Variants in LAMA5 observed in about 807,000 individuals in gnomAD.
The protein encoded by LAMA5 is laminin subunit alpha 5.
In LAMA5, 260 loss-of-function variants were observed where a neutral mutation model predicts 433.4. The observed-to-expected ratio is 0.60, with a 90% CI of 0.54 to 0.66. LAMA5 has a LOEUF of 0.66. Ranked by LOEUF, LAMA5 falls within the 30% of genes least tolerant of loss-of-function variation. The pLI, the probability that LAMA5 is intolerant of heterozygous loss-of-function variation, is 0.00. For missense variants in LAMA5, 5,378 were observed against 5,258.5 expected (o/e 1.02, Z -0.70); for synonymous variants, 2,620 against 2,226.6 (o/e 1.18, Z -4.97).
chr20:62,346,998 G>C lies in LAMA5; in HGVS notation c.987C>G (p.Cys329Trp), dbSNP rs373324316. ...GGCAGCAGCGGTCGCAGGTGCCCCC[G>C]CAGGTGTTGTGCTGGCAGGTGCACT... ...RLQCTCQHNT[C>W]GGTCDRCCPG... The change falls in exon 7 of 80, where the codon TGC becomes TGG. Residue 329 changes from cysteine to tryptophan, a missense_variant. Physicochemically the swap from Cys to Trp is radical, Grantham distance 215. Transcript: ENST00000252999. 1.2e-6 allele frequency: 2 copies of C among 1,612,126 alleles called. No individual in the cohort carries two copies.
intron 1 of LAMA5, among the ~76,000 whole-genome samples, chr20:62,363,812 AC>A (rs1986425149): frequency 6.6e-6 from 1 of 151,692 alleles, no homozygotes; most frequent in Non-Finnish European, 1.5e-5. Flanking sequence ...AGAGGGCCCA[AC>A]CCCCTCGCCC....
At chr20:62,343,109 T>G (rs927316470) in intron 11 of LAMA5, among the ~76,000 whole-genome samples, 4 of 152,218 alleles carry the variant, frequency 2.6e-5, no homozygotes, top group African/African-American at 9.7e-5. Flanking sequence ...ACCCCACTCA[T>G]GAATACGCGT....
At chr20:62,346,369 C>G (rs139478275) in intron 9 of LAMA5, 137 bp downstream of exon 9, 132 of 1,354,854 alleles carry the variant, frequency 9.7e-5, no homozygotes, top group Non-Finnish European at 1.3e-4. Flanking sequence ...GGACCCGCCC[C>G]GTGGCCTGGG....
chr20:62,346,122 T>C lies in LAMA5; in HGVS notation c.1376A>G (p.Asp459Gly), dbSNP rs372347149. ...GCCCGTGAAGCCCTCGGCACACACG[T>C]CACACCGCTCCCCAGAGAAGTTGGG... ...CRPNFSGERC[D>G]VCAEGFTGFP... Residue 459 changes from aspartate to glycine, a missense_variant, in exon 10 of 80, where the codon GAC becomes GGC. Transcript: ENST00000252999. 1.7e-5 allele frequency: 27 copies of C among 1,612,974 alleles called. No individual in the cohort carries two copies. The African/African-American group carries it at 2.3e-4, about 14-fold the overall frequency.
At position 62,329,738 on chromosome 20, in the gene LAMA5, G is replaced by C. The variant is rs577487687; in HGVS notation, c.4119+39C>G. The C allele has an allele frequency of 1.9e-6, 3 of 1,608,858 alleles. 1 individual carries two copies. The South Asian group carries it at 3.3e-5, about 18-fold the overall frequency. On this transcript the variant is annotated intron_variant, in intron 32 of 79. Coordinates refer to ENST00000252999, the MANE Select transcript of LAMA5 (RefSeq NM_005560.6). ...CCACAGTGGTAATGACAAGTATAAG[G>C]ACAGCTGGTCCCTGAGCAGGACATC...
In LAMA5 at chr20:62,344,790, T is replaced by C. The variant is rs566434818; in HGVS notation, c.1477+1028A>G. ...TTAATAATGCTTTATCACAGCATAATTAAAAAAAAAAAGAACCTAGATTTC... is the reference window on the plus strand; with the variant it reads ...TTAATAATGCTTTATCACAGCATAACTAAAAAAAAAAAGAACCTAGATTTC... On this transcript the variant is annotated intron_variant, in intron 11 of 79. Transcript: ENST00000252999. Among the ~76,000 whole-genome samples the C allele has an allele frequency of 6.0e-5, 9 of 150,436 alleles. No homozygotes were observed. The East Asian group carries it at 1.8e-3, about 30-fold the overall frequency.
At chr20:62,314,157 G>A (rs1601285975) in intron 62 of LAMA5, 147 bp downstream of exon 62, 3 of 1,058,076 alleles carry the variant, frequency 2.8e-6, no homozygotes, top group Non-Finnish European at 4.1e-6. Context: ...CAGAGACGAG[G>A]GGTGGCGAGT....
At position 62,324,160 on chromosome 20, in the gene LAMA5, C is replaced by A. The variant is rs766704219; in HGVS notation, c.5688G>T (p.Gln1896His). Residue 1896 changes from glutamine (Q) to histidine (H), a missense_variant, in exon 43 of 80, where the codon CAG becomes CAT. Physicochemically the swap from Gln to His is conservative, Grantham distance 24 (BLOSUM62 0). Coordinates refer to ENST00000252999, the MANE Select transcript of LAMA5 (RefSeq NM_005560.6). The surrounding 1 kb of genome is among the most constrained non-coding windows in gnomAD (Gnocchi z 4.4). Reference sequence around the variant, plus strand: ...CGTCCCTGCTGCTCACGAAGCCAGCCTGGCAGCGCTCACAGTGGGCCCCTT... The same window carrying A: ...CGTCCCTGCTGCTCACGAAGCCAGCATGGCAGCGCTCACAGTGGGCCCCTT... ...NTEGAHCERC[Q>H]AGFVSSRDDP... 2 of 1,560,968 alleles carry A rather than the reference C, an allele frequency of 1.3e-6. No homozygotes were observed. Among genetic ancestry groups the A allele is most frequent in the African/African-American group, 1.4e-5 (1 of 71,346 alleles).
Position 62,320,850 on chromosome 20 carries a change from T to C in LAMA5, c.6537A>G (p.Glu2179=). Residue 2179 remains glutamate, a synonymous_variant, in exon 49 of 80, where the codon GAA becomes GAG. Transcript: ENST00000252999. The part of the protein sequence containing the change: ...HCVVLLLDDL[E]RAGALLPAIH... ...TGGCGGGGAGGAGGGCGCCGGCCCG[T>C]TCCAGGTCATCCAGGAGCAGGACCA... 6.2e-7 allele frequency: 1 copy of C among 1,612,216 alleles called. No individual in the cohort carries two copies. Among genetic ancestry groups the C allele is most frequent in the Non-Finnish European group, 8.5e-7 (1 of 1,179,688 alleles).
At chr20:62,355,929 C>T (rs1325161850) in intron 2 of LAMA5, among the ~76,000 whole-genome samples, 1 of 152,218 alleles carries the variant, frequency 6.6e-6, no homozygotes, top group African/African-American at 2.4e-5. Context: ...AAGGTCCCGA[C>T]TGAGCCCCCT....
chr20:62,316,617 G>T, intron 57 of LAMA5, 54 bp downstream of exon 57: 1 of 1,363,628 alleles, frequency 7.3e-7, no homozygotes, highest in Non-Finnish European at 9.9e-7. Flanking sequence ...GAGGGTCCCT[G>T]GGAGCTCAGA....
intron 11 of LAMA5, among the ~76,000 whole-genome samples, chr20:62,340,397 T>TAC (rs1982418147): frequency 7.7e-6 from 1 of 129,680 alleles, no homozygotes; most frequent in Non-Finnish European, 1.6e-5. Context: ...CTGCAAACCC[T>TAC]ACCTCCCGGG....
chr20:62,323,698 A>AGTGGCCC (rs770069738), intron 44 of LAMA5, 28 bp from the exon 45 acceptor site: 2 of 1,595,018 alleles, frequency 1.3e-6, no homozygotes, highest in African/African-American at 2.7e-5. Flanking sequence ...AGGGGCCGTC[A>AGTGGCCC]GTGGCCCGTG....
intron 58 of LAMA5, 123 bp from the exon 59 acceptor site, chr20:62,315,330 C>G: frequency 1.3e-6 from 1 of 785,872 alleles, no homozygotes; most frequent in Non-Finnish European, 2.0e-6. Context: ...GTGTGAGACC[C>G]TCACACCCCG....
At chr20:62,354,777 G>A (rs911473921) in intron 2 of LAMA5, among the ~76,000 whole-genome samples, 7 of 152,120 alleles carry the variant, frequency 4.6e-5, no homozygotes, top group Non-Finnish European at 7.4e-5. Context: ...CTACCTGGGG[G>A]CAAAGGAGGG....
chr20:62,350,745 G>T (rs982333166), intron 6 of LAMA5, among the ~76,000 whole-genome samples: 1 of 152,096 alleles, frequency 6.6e-6, no homozygotes, highest in Non-Finnish European at 1.5e-5. Context: ...GCCACCCTAG[G>T]GTGTTACACC....
chr20:62,358,615 G>A (rs749372140), intron 2 of LAMA5, among the ~76,000 whole-genome samples: 18 of 152,250 alleles, frequency 1.2e-4, no homozygotes, highest in Admixed American at 2.0e-4. Flanking sequence ...CTGGGCCTCC[G>A]GCAGGTCCTC....
chr20:62,314,270 T>G (rs1165741834), intron 62 of LAMA5, 34 bp downstream of exon 62: 1 of 1,604,622 alleles, frequency 6.2e-7, no homozygotes, highest in South Asian at 1.1e-5. Context: ...GCCCTGCAGT[T>G]GGAGGCATCC....
chr20:62,322,101 G>A lies in LAMA5; in HGVS notation c.6414C>T (p.Ser2138=), dbSNP rs768456092. The change falls in exon 48 of 80, where the codon AGC becomes AGT. Residue 2138 remains serine (S), a synonymous_variant. Transcript: ENST00000252999. ...GGCTGCAGGTGTCGCAGCGCTCCCC[G>A]CTGAGCCCCGGGGGGCAGTTGCAGC... ...TGRCNCPPGL[S]GERCDTCSQQ... The A allele has an allele frequency of 3.4e-5, 55 of 1,602,430 alleles. No homozygotes were observed. Among genetic ancestry groups the A allele is most frequent in the African/African-American group, 1.7e-4 (13 of 74,828 alleles).
Sources: gnomAD v4.1 joint callset for allele counts (sites outside exome capture counted in the v4.1 genomes callset) on GRCh38, gnomAD v4.1.1 for gene constraint, Gnocchi (gnomAD v3.1) non-coding constraint, MANE v1.5 for transcripts, NCBI Gene and HGNC (gene_info 2026-07-23, HGNC 2026-07-21) for gene names.